The following PARP11 variants were observed in gnomAD, a reference collection of about 807,000 sequenced individuals.
The protein encoded by PARP11 is protein mono-ADP-ribosyltransferase PARP11.
PARP11 carries 31 observed loss-of-function variants against 42.9 expected under a neutral mutation model. That is an observed-to-expected ratio of 0.72 (90% CI 0.54 to 0.98). The LOEUF (loss-of-function observed/expected upper bound fraction) is 0.98, where lower values mean the gene tolerates loss of function less well. Ranked by LOEUF, PARP11 falls within the 50% of genes least tolerant of loss-of-function variation. PARP11 has a pLI of 0.00. For missense variants in PARP11, 365 were observed against 413.1 expected (o/e 0.88, Z 1.01); for synonymous variants, 137 against 127.3 (o/e 1.08, Z -0.51).
intron 1 of PARP11, among the ~76,000 whole-genome samples, chr12:3,849,516 TG>T (rs1374421848): frequency 2.0e-5 from 3 of 152,028 alleles, no homozygotes; most frequent in African/African-American, 7.2e-5. Flanking sequence ...ATGGATGAAA[TG>T]AGAATTCGTT....
At chr12:3,865,446 G>C (rs529567969) in intron 1 of PARP11, among the ~76,000 whole-genome samples, 1 of 152,176 alleles carries the variant, frequency 6.6e-6, no homozygotes, top group Non-Finnish European at 1.5e-5. Context: ...CAATTATTTG[G>C]AGAAAACTAC....
At chr12:3,812,989 GAGAC>G (rs1487151825) in intron 7 of PARP11, among the ~76,000 whole-genome samples, 5 of 152,102 alleles carry the variant, frequency 3.3e-5, no homozygotes, top group African/African-American at 4.8e-5. Context: ...TTTTTTAGTA[GAGAC>G]AGGGTTTCAC....
At chr12:3,833,896 G>A (rs1474651062) in intron 1 of PARP11, among the ~76,000 whole-genome samples, 4 of 152,106 alleles carry the variant, frequency 2.6e-5, no homozygotes, top group South Asian at 2.1e-4. Context: ...GTTTTACCCC[G>A]GGAAGGGCAG....
At chr12:3,858,827 C>T (rs1374435628) in intron 1 of PARP11, among the ~76,000 whole-genome samples, 4 of 152,106 alleles carry the variant, frequency 2.6e-5, no homozygotes, top group South Asian at 2.1e-4. Context: ...CGGTGGCTCA[C>T]GCCTGTAATC....
intron 1 of PARP11, among the ~76,000 whole-genome samples, chr12:3,830,642 A>G (rs574677862): frequency 6.6e-6 from 1 of 152,314 alleles, no homozygotes; most frequent in Admixed American, 6.5e-5. Flanking sequence ...TCAGGATACA[A>G]TAACAATAAT....
chr12:3,864,755 C>A (rs1948360192), intron 1 of PARP11, among the ~76,000 whole-genome samples: 1 of 151,778 alleles, frequency 6.6e-6, no homozygotes, highest in South Asian at 2.1e-4. Flanking sequence ...AGTGATGTTA[C>A]CTCTCTCATT....
At chr12:3,823,259 C>T (rs1045207273) in intron 4 of PARP11, among the ~76,000 whole-genome samples, 3 of 152,030 alleles carry the variant, frequency 2.0e-5, no homozygotes, top group African/African-American at 7.3e-5. Context: ...CACTCCAGTC[C>T]CTGGTATGTC....
chr12:3,859,543 CAG>C (rs1015745940), intron 1 of PARP11, among the ~76,000 whole-genome samples: 4 of 128,942 alleles, frequency 3.1e-5, no homozygotes, highest in African/African-American at 1.2e-4. Context: ...GCCTGGGTGA[CAG>C]AGTGAGACTC....
intron 1 of PARP11, among the ~76,000 whole-genome samples, chr12:3,869,825 G>A (rs1057488859): frequency 1.3e-5 from 2 of 152,186 alleles, no homozygotes; most frequent in Non-Finnish European, 1.5e-5. Context: ...ACCCATAAAG[G>A]CTGGAGCCTA....
chr12:3,826,891 AAAGTT>A (rs1332828152), intron 3 of PARP11, among the ~76,000 whole-genome samples: 3 of 152,180 alleles, frequency 2.0e-5, no homozygotes, highest in Non-Finnish European at 1.5e-5. Context: ...TTCATTCCTC[AAAGTT>A]AAGTAGTGAT....
intron 1 of PARP11, among the ~76,000 whole-genome samples, chr12:3,847,056 A>G (rs144563139): frequency 3.3e-5 from 5 of 152,288 alleles, no homozygotes; most frequent in African/African-American, 1.2e-4. Context: ...CAGCCTGGTC[A>G]ACAGAGAGAG....
chr12:3,813,862 CAAAAT>C (rs1330624371), intron 7 of PARP11, among the ~76,000 whole-genome samples, 170 bp downstream of exon 7: 4 of 152,152 alleles, frequency 2.6e-5, no homozygotes, highest in East Asian at 3.8e-4. Flanking sequence ...TTCTTAAAAA[CAAAAT>C]AAAACAAAAA....
At chr12:3,844,352 T>G (rs187462512) in intron 1 of PARP11, among the ~76,000 whole-genome samples, 239 of 152,356 alleles carry the variant, frequency 1.6e-3, no homozygotes, top group African/African-American at 5.3e-3. Flanking sequence ...AGGTACCGCT[T>G]AAGCCATTTC....
At chr12:3,871,883 A>C (rs1228421066) in intron 1 of PARP11, 1 of 152,182 alleles carries the variant, frequency 6.6e-6, no homozygotes, top group Non-Finnish European at 1.5e-5. Flanking sequence ...TCTCCCTCTG[A>C]TCTCCTGCCC....
At chr12:3,817,051 C>T (rs896279505) in intron 6 of PARP11, among the ~76,000 whole-genome samples, 6 of 150,376 alleles carry the variant, frequency 4.0e-5, no homozygotes, top group Admixed American at 6.6e-5. Flanking sequence ...ATTAGCCAGG[C>T]GTGGTGGCGG....
intron 1 of PARP11, among the ~76,000 whole-genome samples, chr12:3,850,244 T>G: frequency 6.6e-6 from 1 of 152,106 alleles, no homozygotes; most frequent in African/African-American, 2.4e-5. Context: ...AAAGTAATAA[T>G]AAAAATGTAT....
At chr12:3,815,078 A>G (rs1410027750) in intron 6 of PARP11, 3 of 456,542 alleles carry the variant, frequency 6.6e-6, no homozygotes, top group Non-Finnish European at 1.3e-5. Flanking sequence ...AGGAAATGTG[A>G]CAAGTATCAA....
chr12:3,826,061 A>G, intron 4 of PARP11, 97 bp downstream of exon 4: 1 of 725,134 alleles, frequency 1.4e-6, no homozygotes, highest in African/African-American at 1.8e-5. Context: ...CAATATTATT[A>G]AATGACCTAC....
At chr12:3,839,739 A>T in intron 1 of PARP11, 1 of 1,122,114 alleles carries the variant, frequency 8.9e-7, no homozygotes, top group South Asian at 1.2e-5. Context: ...TTTCAAATGG[A>T]AATCATTATG....
Sources: allele counts gnomAD v4.1 joint callset (sites outside exome capture counted in the v4.1 genomes callset), GRCh38; gene constraint gnomAD v4.1.1; transcripts MANE v1.5; gene names NCBI Gene and HGNC (gene_info 2026-07-23, HGNC 2026-07-21).